The following HUS1 variants were observed in gnomAD, a reference collection of about 807,000 sequenced individuals.
HUS1 encodes the protein checkpoint protein HUS1.
In HUS1, 31 loss-of-function variants were observed where a neutral mutation model predicts 32.6. The ratio of observed to expected loss-of-function variants is 0.95; its 90% CI spans 0.72 to 1.28. HUS1 has a LOEUF of 1.28. HUS1 is among the 50% of genes most tolerant of loss of function. The pLI, the probability that HUS1 is intolerant of heterozygous loss-of-function variation, is 0.00. For synonymous variants in HUS1, 123 were observed against 116.6 expected, an observed-to-expected ratio of 1.06 and a Z score of -0.36; for missense variants, 340 against 337.7, an observed-to-expected ratio of 1.01 and a Z score of -0.05.
intron 6 of HUS1, 149 bp downstream of exon 6, chr7:47,969,070 T>C (rs1788540076): frequency 5.1e-6 from 3 of 582,668 alleles, no homozygotes; most frequent in South Asian, 2.1e-5. Context: ...CAGGGATACA[T>C]AGTCCAGTCT....
intron 5 of HUS1, among the ~76,000 whole-genome samples, chr7:47,971,712 G>A (rs1042666611): frequency 3.9e-5 from 6 of 152,080 alleles, no homozygotes; most frequent in African/African-American, 1.4e-4. Context: ...ATAGCATTTT[G>A]CCATCTAGTA....
chr7:47,969,494 C>T (rs1788551196), intron 5 of HUS1, among the ~76,000 whole-genome samples, 176 bp from the exon 6 acceptor site: 1 of 152,180 alleles, frequency 6.6e-6, no homozygotes, highest in Admixed American at 6.5e-5. Flanking sequence ...GGCCCAAGAG[C>T]CAAGAACTCA....
At chr7:47,977,720 C>T (rs1264735892) in intron 3 of HUS1, among the ~76,000 whole-genome samples, 2 of 152,006 alleles carry the variant, frequency 1.3e-5, no homozygotes, top group African/African-American at 2.4e-5. Context: ...GGTGATACCC[C>T]GACTCTACTA....
intron 6 of HUS1, among the ~76,000 whole-genome samples, chr7:47,968,166 C>T (rs553190416): frequency 1.3e-5 from 2 of 152,080 alleles, no homozygotes; most frequent in South Asian, 4.1e-4. Flanking sequence ...ACTCAATCTC[C>T]CTCTTCAGGT....
chr7:47,965,495 T>C (rs2128764116), intron 7 of HUS1, 57 bp from the exon 8 acceptor site: 3 of 1,281,800 alleles, frequency 2.3e-6, no homozygotes, highest in Middle Eastern at 3.7e-4. Context: ...CATTTTGATC[T>C]CTACTTTTTC....
chr7:47,967,559 A>C (rs1788503618), intron 7 of HUS1, among the ~76,000 whole-genome samples: 1 of 152,128 alleles, frequency 6.6e-6, no homozygotes, highest in Non-Finnish European at 1.5e-5. Context: ...CCTACCAACC[A>C]GTGTGGCTGC....
Position 47,974,536 on chromosome 7 carries a change from G to A in HUS1, c.540+1077C>T, listed in dbSNP as rs138029295. ...CCCAGCCTCGTTCTGCAGGGAGGGT[G>A]TGGCAATACAACAGAGATGTGGCTA... On this transcript the variant is annotated intron_variant, in intron 5 of 7. Coordinates refer to ENST00000258774, the MANE Select transcript of HUS1 (RefSeq NM_004507.4). Among the ~76,000 whole-genome samples, 162 of 152,306 alleles carry A rather than the reference G, an allele frequency of 1.1e-3. 1 individual carries two copies. The highest frequency in any genetic ancestry group is 3.4e-3 in the Middle Eastern group (1 of 294).
At chr7:47,975,978 A>G (rs533313342) in intron 4 of HUS1, among the ~76,000 whole-genome samples, 5 of 152,326 alleles carry the variant, frequency 3.3e-5, no homozygotes, top group South Asian at 4.1e-4. Flanking sequence ...AGGGTACTTC[A>G]GCTGAGATGC....
intron 5 of HUS1, chr7:47,971,577 TC>T: frequency 2.2e-6 from 1 of 456,350 alleles, no homozygotes. Flanking sequence ...CCTGGTCCAC[TC>T]CCGCACCTAC....
In HUS1 at chr7:47,967,788, A is replaced by G; in HGVS notation, c.760+18T>C. The G allele has an allele frequency of 6.2e-7, 1 of 1,606,534 alleles. No homozygotes were observed. The highest frequency in any genetic ancestry group is 2.2e-5 in the East Asian group (1 of 44,784). ...AATATGAAAGAATATGAAAAACAAA[A>G]CAGAGAAGCACACTCACTGCATAAG... On this transcript the variant is annotated intron_variant, in intron 7 of 7. Transcript: ENST00000258774.
intron 5 of HUS1, among the ~76,000 whole-genome samples, chr7:47,974,630 A>T (rs1481450776): frequency 2.6e-5 from 4 of 152,058 alleles, no homozygotes; most frequent in Non-Finnish European, 4.4e-5. Flanking sequence ...GGTTTTTAGA[A>T]GATTCAGGGA....
intron 4 of HUS1, among the ~76,000 whole-genome samples, 175 bp from the exon 5 acceptor site, chr7:47,975,862 T>C (rs1788694178): frequency 6.6e-6 from 1 of 152,302 alleles, no homozygotes; most frequent in South Asian, 2.1e-4. Context: ...CCAATTCTAT[T>C]TCACTAACTC....
In HUS1 at chr7:47,965,247, T is replaced by C; in HGVS notation, c.*109A>G. 1.4e-6 allele frequency: 1 copy of C among 713,580 alleles called. No individual in the cohort carries two copies. Among genetic ancestry groups the C allele is most frequent in the South Asian group, 1.6e-5 (1 of 63,816 alleles). 44.2% of individuals were successfully genotyped at this position (713,580 alleles called of 1,614,324 possible). A position where few individuals can be genotyped will look rare whatever the true frequency, so the allele number is the denominator to read the frequency against. ...GTTAGAGAGGGACAAATAAGTACAG[T>C]GTGTCGATGTGCGGTGCTGTGAGGG... On this transcript the variant is annotated 3_prime_UTR_variant, in exon 8 of 8. Transcript: ENST00000258774.
At chr7:47,972,883 T>C (rs1391768207) in intron 5 of HUS1, among the ~76,000 whole-genome samples, 3 of 152,146 alleles carry the variant, frequency 2.0e-5, no homozygotes, top group African/African-American at 4.8e-5. Context: ...CAATATAGTA[T>C]GGCAATGATG....
At chr7:47,976,218 G>A in intron 4 of HUS1, 1 of 387,082 alleles carries the variant, frequency 2.6e-6, no homozygotes, top group Non-Finnish European at 5.1e-6. Flanking sequence ...ATTTTACCCA[G>A]CATATTTCTG....
chr7:47,973,832 A>C (rs1028965358), intron 5 of HUS1, among the ~76,000 whole-genome samples: 3 of 152,154 alleles, frequency 2.0e-5, no homozygotes, highest in South Asian at 2.1e-4. Context: ...ACTCATTTTC[A>C]TTGAACAGAA....
In HUS1 at chr7:47,976,812, A is replaced by C. The variant is rs745724153; in HGVS notation, c.383T>G (p.Ile128Ser). Residue 128 changes from isoleucine to serine, a missense_variant, in exon 4 of 8, where the codon ATT (isoleucine) becomes AGT (serine). Physicochemically the swap from Ile to Ser is moderately radical, Grantham distance 142. Transcript: ENST00000258774. Reference protein sequence around the residue: ...ELLSMSSSSRIVTHDIPIKVI... With the variant: ...ELLSMSSSSRSVTHDIPIKVI... ...CTTTATGGGGATGTCATGGGTCACA[A>C]TGCGGCTACTGCTTGACATAGATAA... The C allele has an allele frequency of 1.2e-6, 2 of 1,612,604 alleles. No individual in the cohort carries two copies. The highest frequency in any genetic ancestry group is 3.3e-5 in the Admixed American group (2 of 60,000).
intron 3 of HUS1, 112 bp from the exon 4 acceptor site, chr7:47,976,949 C>T: frequency 1.5e-6 from 1 of 663,890 alleles, no homozygotes; most frequent in Non-Finnish European, 2.6e-6. Flanking sequence ...AAGTGGAATG[C>T]TGTCAGTTTA....
chr7:47,978,518 C>T lies in HUS1; in HGVS notation c.256G>A (p.Glu86Lys), dbSNP rs201091914. The T allele has an allele frequency of 4.5e-4, 720 of 1,614,070 alleles. No individual in the cohort carries two copies. The highest frequency in any genetic ancestry group is 5.6e-4 in the Non-Finnish European group (666 of 1,180,032). Residue 86 changes from glutamate (E) to lysine (K), a missense_variant, in exon 3 of 8, where the codon GAA (glutamate) becomes AAA (lysine). Glu to Lys is a moderately conservative substitution (Grantham distance 56, BLOSUM62 1). Transcript: ENST00000258774. ...GTCTTCAAGGCTCGAGATAAGTTTTCCGATGTTAGCTCTAAATAAATCTCA... is the reference window on the plus strand; with the variant it reads ...GTCTTCAAGGCTCGAGATAAGTTTTTCGATGTTAGCTCTAAATAAATCTCA... ...NNEIYLELTS[E>K]NLSRALKTAQ...
Sources: allele counts gnomAD v4.1 joint callset (sites outside exome capture counted in the v4.1 genomes callset), GRCh38; gene constraint gnomAD v4.1.1; transcripts MANE v1.5; gene names NCBI Gene and HGNC (gene_info 2026-07-23, HGNC 2026-07-21).